DOCK10: variants seen among roughly 807,000 people sequenced by gnomAD.
DOCK10 encodes the protein dedicator of cytokinesis 10.
Under a neutral mutation model 280.1 loss-of-function variants are expected in DOCK10, and 145 were observed. The ratio of observed to expected loss-of-function variants is 0.52; its 90% CI spans 0.45 to 0.59. The LOEUF (loss-of-function observed/expected upper bound fraction) is 0.59. Among genes scored for constraint, DOCK10 ranks in the 20% least tolerant of loss-of-function variants. The probability of loss-of-function intolerance (pLI) is 0.00; values close to 1 mark genes in which losing one functional copy is unlikely to be tolerated. For missense variants in DOCK10, 2,368 were observed against 2,651.7 expected (o/e 0.89, Z 2.35); for synonymous variants, 915 against 942.2 (o/e 0.97, Z 0.53).
chr2:224,877,503 C>CCTATTCTATTGG (rs1698711824), intron 7 of DOCK10, among the ~76,000 whole-genome samples: 1 of 100,036 alleles, frequency 1.0e-5, no homozygotes, highest in Non-Finnish European at 2.3e-5. Context: ...GTTCCTATTC[C>CCTATTCTATTGG]AAGTTGACAT....
rs765098528 is a variant in DOCK10, at chr2:224,853,096, C to T, written c.1915G>A (p.Val639Ile). The change falls in exon 17 of 56, where the codon GTC becomes ATC. Residue 639 changes from valine to isoleucine, a missense_variant. Val to Ile is a conservative substitution (Grantham distance 29). Transcript: ENST00000258390. Reference sequence around the variant, plus strand: ...TGAGCCATCATGTTGAAAGGCTTGACAGGGATAAAGGACGATGTTACACAA... The same window carrying T: ...TGAGCCATCATGTTGAAAGGCTTGATAGGGATAAAGGACGATGTTACACAA... The part of the protein sequence containing the change: ...PNCVTSSFIP[V>I]KPFNMMAQTE... 58 of 1,605,394 alleles carry T rather than the reference C, an allele frequency of 3.6e-5. No homozygotes were observed. The highest frequency in any genetic ancestry group is 4.7e-5 in the Non-Finnish European group (55 of 1,175,086).
intron 3 of DOCK10, among the ~76,000 whole-genome samples, chr2:224,907,023 A>G (rs1328640541): frequency 6.6e-6 from 1 of 152,232 alleles, no homozygotes; most frequent in Non-Finnish European, 1.5e-5. Flanking sequence ...GTGGGACAAG[A>G]AATTTCTATG....
intron 2 of DOCK10, among the ~76,000 whole-genome samples, chr2:224,921,563 G>T (rs886932967): frequency 6.6e-6 from 1 of 152,022 alleles, no homozygotes; most frequent in African/African-American, 2.4e-5. Context: ...TACAATGCCT[G>T]GTGGTCTCTT....
intron 46 of DOCK10, 91 bp downstream of exon 46, chr2:224,793,309 A>G (rs1246783794): frequency 2.3e-5 from 25 of 1,084,726 alleles, no homozygotes; most frequent in Middle Eastern, 4.3e-4. Flanking sequence ...AACATAACAG[A>G]TTAATAAAAT....
At chr2:224,799,085 T>G (rs1240829140) in intron 41 of DOCK10, among the ~76,000 whole-genome samples, 1 of 152,244 alleles carries the variant, frequency 6.6e-6, no homozygotes, top group African/African-American at 2.4e-5. Context: ...CATACACCCA[T>G]GAAACCATCA....
chr2:224,955,460 C>G (rs1315079386), intron 1 of DOCK10, among the ~76,000 whole-genome samples: 1 of 152,192 alleles, frequency 6.6e-6, no homozygotes, highest in Non-Finnish European at 1.5e-5. Context: ...AACCAGATAT[C>G]TAGACCAACA....
intron 1 of DOCK10, among the ~76,000 whole-genome samples, chr2:225,035,620 T>C (rs1438420126): frequency 8.0e-6 from 1 of 125,074 alleles, no homozygotes; most frequent in African/African-American, 3.8e-5. Flanking sequence ...TGTGTTGTAT[T>C]AGTCAGTGCG....
At chr2:224,796,932 C>G (rs967748836) in intron 43 of DOCK10, 32 bp downstream of exon 43, 1 of 1,597,678 alleles carries the variant, frequency 6.3e-7, no homozygotes, top group South Asian at 1.1e-5. Context: ...GTGGTTTTAA[C>G]AACAGCATTA....
At chr2:224,988,184 A>G (rs1477515776) in intron 1 of DOCK10, among the ~76,000 whole-genome samples, 1 of 152,132 alleles carries the variant, frequency 6.6e-6, no homozygotes, top group Non-Finnish European at 1.5e-5. Context: ...CCTAACGGGC[A>G]TTGCTTCACA....
chr2:224,921,760 T>G (rs1391119770), intron 2 of DOCK10, among the ~76,000 whole-genome samples: 1 of 152,160 alleles, frequency 6.6e-6, no homozygotes, highest in Non-Finnish European at 1.5e-5. Context: ...AACGTGCTAT[T>G]GATCTTAGTT....
chr2:224,961,267 C>T (rs1023410591), intron 1 of DOCK10, among the ~76,000 whole-genome samples: 1 of 152,152 alleles, frequency 6.6e-6, no homozygotes, highest in Non-Finnish European at 1.5e-5. Flanking sequence ...AGAAATGCTG[C>T]GTTGAACAAA....
intron 1 of DOCK10, chr2:224,947,192 G>A: frequency 2.2e-6 from 1 of 456,678 alleles, no homozygotes; most frequent in Non-Finnish European, 3.5e-6. Context: ...CTCTTCACCT[G>A]CAATAAAGCA....
At chr2:224,896,526 T>C (rs1301105552) in intron 3 of DOCK10, 149 bp from the exon 4 acceptor site, 4 of 501,006 alleles carry the variant, frequency 8.0e-6, no homozygotes, top group Non-Finnish European at 1.4e-5. Context: ...CTGACCAATA[T>C]GGCAAAACCC....
intron 31 of DOCK10, among the ~76,000 whole-genome samples, chr2:224,810,916 G>C (rs986684825): frequency 6.6e-6 from 1 of 151,974 alleles, no homozygotes; most frequent in African/African-American, 2.4e-5. Flanking sequence ...CCAAGTCTTT[G>C]CTATTGTGAA....
intron 19 of DOCK10, among the ~76,000 whole-genome samples, chr2:224,848,179 C>T (rs1490190763): frequency 1.3e-5 from 2 of 152,142 alleles, no homozygotes; most frequent in Non-Finnish European, 2.9e-5. Context: ...TCGATTTTAG[C>T]CCTGTGAGTC....
At chr2:224,905,137 A>G (rs1700522899) in intron 3 of DOCK10, among the ~76,000 whole-genome samples, 1 of 151,764 alleles carries the variant, frequency 6.6e-6, no homozygotes, top group South Asian at 2.1e-4. Context: ...TACTCATTGG[A>G]TCTTATTGTT....
chr2:224,847,067 G>A (rs1231161564), intron 19 of DOCK10, among the ~76,000 whole-genome samples: 1 of 152,150 alleles, frequency 6.6e-6, no homozygotes, highest in Non-Finnish European at 1.5e-5. Flanking sequence ...TTTGGGAACT[G>A]ACCATGCCGT....
At chr2:225,031,039 T>A (rs567320426) in intron 1 of DOCK10, among the ~76,000 whole-genome samples, 1 of 152,302 alleles carries the variant, frequency 6.6e-6, no homozygotes, top group East Asian at 1.9e-4. Flanking sequence ...GCACCTACTA[T>A]GTGCCAAACA....
At chr2:224,848,890 TA>T in intron 19 of DOCK10, among the ~76,000 whole-genome samples, 1 of 152,130 alleles carries the variant, frequency 6.6e-6, no homozygotes, top group South Asian at 2.1e-4. Flanking sequence ...GTCAGTGAAA[TA>T]AAAGAAAAAA....
Sources: allele counts gnomAD v4.1 joint callset (sites outside exome capture counted in the v4.1 genomes callset), GRCh38; gene constraint gnomAD v4.1.1; transcripts MANE v1.5; gene names NCBI Gene and HGNC (gene_info 2026-07-23, HGNC 2026-07-21).